The following MSI2 variants were observed in gnomAD, a reference collection of about 807,000 sequenced individuals.
MSI2 encodes RNA-binding protein Musashi homolog 2.
MSI2 carries 17 observed loss-of-function variants against 45.6 expected under a neutral mutation model. The observed-to-expected ratio is 0.37, with a 90% CI of 0.26 to 0.56. MSI2 has a LOEUF of 0.56. Among genes scored for constraint, MSI2 ranks in the 20% least tolerant of loss-of-function variants. MSI2 has a pLI of 0.77. For synonymous variants in MSI2, 156 were observed against 158.2 expected, an observed-to-expected ratio of 0.99 and a Z score of 0.11; for missense variants, 293 against 444.2, an observed-to-expected ratio of 0.66 and a Z score of 3.06.
At chr17:57,394,422 T>C (rs1444086202) in intron 5 of MSI2, among the ~76,000 whole-genome samples, 1 of 152,172 alleles carries the variant, frequency 6.6e-6, no homozygotes, top group Non-Finnish European at 1.5e-5. Flanking sequence ...GGGAAGTGCA[T>C]ACCTCAGGCC....
At position 57,326,091 on chromosome 17, in the gene MSI2, C is replaced by T. The variant is rs778600688; in HGVS notation, c.312+63899C>T. ...TTAGCAAAACATTTCCCGTCACCCC[C>T]ATTAGGTTGTTTGCTGCTGCTGCTT... On this transcript the variant is annotated intron_variant, in intron 5 of 13. Transcript: ENST00000284073. 1.1e-3 allele frequency among the ~76,000 whole-genome samples: 164 copies of T among 152,178 alleles called. 6 individuals carry two copies. The highest frequency in any genetic ancestry group is 8.8e-4 in the Non-Finnish European group (60 of 68,028).
intron 5 of MSI2, 146 bp from the exon 6 acceptor site, chr17:57,401,233 C>A: frequency 1.6e-6 from 1 of 637,374 alleles, no homozygotes; most frequent in South Asian, 1.8e-5. Context: ...CATCCTTAGA[C>A]ATCTAAACGC....
chr17:57,485,975 C>T (rs2085745934), intron 6 of MSI2, among the ~76,000 whole-genome samples: 1 of 152,240 alleles, frequency 6.6e-6, no homozygotes, highest in Non-Finnish European at 1.5e-5. Context: ...AGCTTCTCTG[C>T]CTCTCCAGGG....
intron 6 of MSI2, among the ~76,000 whole-genome samples, chr17:57,405,009 TG>T (rs1485209547): frequency 1.3e-5 from 2 of 152,036 alleles, no homozygotes; most frequent in Non-Finnish European, 2.9e-5. Flanking sequence ...CACGTCACCA[TG>T]AGCTACCCAG....
At chr17:57,440,466 G>GTGTGTGTGTA (rs2084779068) in intron 6 of MSI2, among the ~76,000 whole-genome samples, 1 of 145,504 alleles carries the variant, frequency 6.9e-6, no homozygotes, top group Non-Finnish European at 1.5e-5. Context: ...GTGTGTGTGT[G>GTGTGTGTGTA]TAGCGTGGCT....
At chr17:57,586,186 C>T (rs3803755) in intron 7 of MSI2, among the ~76,000 whole-genome samples, 4,748 of 152,328 alleles carry the variant, frequency 0.031, 161 homozygotes, top group East Asian at 0.17. Flanking sequence ...TTAAATGAGG[C>T]TGGGGTTGTC....
At chr17:57,558,903 A>G (rs1157132497) in intron 7 of MSI2, among the ~76,000 whole-genome samples, 1 of 152,130 alleles carries the variant, frequency 6.6e-6, no homozygotes, top group African/African-American at 2.4e-5. Flanking sequence ...TCTACTAAAA[A>G]TACAAAAAAA....
intron 5 of MSI2, among the ~76,000 whole-genome samples, chr17:57,297,596 CAAT>C (rs1368344782): frequency 6.6e-6 from 1 of 152,236 alleles, no homozygotes; most frequent in Non-Finnish European, 1.5e-5. Flanking sequence ...TAAAATAAGA[CAAT>C]GATGAAGTTT....
intron 6 of MSI2, among the ~76,000 whole-genome samples, chr17:57,502,730 G>A (rs1244041302): frequency 6.7e-6 from 1 of 150,092 alleles, no homozygotes; most frequent in African/African-American, 2.5e-5. Flanking sequence ...AGGTCCTGAT[G>A]AGGCTGTTTG....
intron 5 of MSI2, among the ~76,000 whole-genome samples, chr17:57,286,231 T>C (rs1311145523): frequency 6.6e-6 from 1 of 152,044 alleles, no homozygotes; most frequent in East Asian, 1.9e-4. Flanking sequence ...CAACAAATAG[T>C]CTTTTTTTTT....
At chr17:57,333,222 A>G (rs1020790599) in intron 5 of MSI2, among the ~76,000 whole-genome samples, 1 of 152,124 alleles carries the variant, frequency 6.6e-6, no homozygotes, top group African/African-American at 2.4e-5. Flanking sequence ...GGGTTAGTTA[A>G]TACCAAAGAC....
intron 8 of MSI2, among the ~76,000 whole-genome samples, chr17:57,606,646 C>T (rs556364239): frequency 6.6e-6 from 1 of 152,218 alleles, no homozygotes; most frequent in Admixed American, 6.5e-5. Flanking sequence ...TTTCTGTGTC[C>T]ACACCCAGCC....
intron 5 of MSI2, chr17:57,364,833 G>A (rs1014973812): frequency 6.6e-6 from 1 of 152,154 alleles, no homozygotes; most frequent in African/African-American, 2.4e-5. Context: ...GGGCCTGTGT[G>A]TCCTTTTCTG....
At chr17:57,282,427 A>G (rs1290438029) in intron 5 of MSI2, among the ~76,000 whole-genome samples, 1 of 152,206 alleles carries the variant, frequency 6.6e-6, no homozygotes, top group East Asian at 1.9e-4. Flanking sequence ...TGTATAATAA[A>G]TCTGATACTA....
chr17:57,363,413 C>T (rs1165412101), intron 5 of MSI2, among the ~76,000 whole-genome samples: 1 of 151,980 alleles, frequency 6.6e-6, no homozygotes, highest in Non-Finnish European at 1.5e-5. Flanking sequence ...GAAAGAGTGG[C>T]GATTTTATGT....
At position 57,283,256 on chromosome 17, in the gene MSI2, G is replaced by A. The variant is rs537704639; in HGVS notation, c.312+21064G>A. Among the ~76,000 whole-genome samples the A allele has an allele frequency of 9.2e-5, 14 of 152,204 alleles. No homozygotes were observed. The South Asian group carries it at 2.9e-3, about 32-fold the overall frequency. On this transcript the variant is annotated intron_variant, in intron 5 of 13. Coordinates refer to ENST00000284073, the MANE Select transcript of MSI2 (RefSeq NM_138962.4). The stretch of plus-strand genomic sequence containing the variant: ...GCGGAATCTGGCCCGTAAAGTCTCT[G>A]GAGTGAGTGCTGGGAAGTTTATAAG...
chr17:57,405,525 A>G (rs1464860297), intron 6 of MSI2, among the ~76,000 whole-genome samples: 1 of 152,254 alleles, frequency 6.6e-6, no homozygotes, highest in South Asian at 2.1e-4. Context: ...GGCTATAACC[A>G]AAATAATACG....
intron 7 of MSI2, among the ~76,000 whole-genome samples, chr17:57,543,890 A>G (rs1260058397): frequency 6.6e-6 from 1 of 152,218 alleles, no homozygotes; most frequent in Admixed American, 6.5e-5. Context: ...TGGACAATTG[A>G]ATCATTCCTT....
At chr17:57,330,613 T>C (rs1914170331) in intron 5 of MSI2, among the ~76,000 whole-genome samples, 1 of 152,094 alleles carries the variant, frequency 6.6e-6, no homozygotes, top group South Asian at 2.1e-4. Context: ...AAAGGGTACC[T>C]GCATGATTCA....
Sources: allele counts gnomAD v4.1 joint callset (sites outside exome capture counted in the v4.1 genomes callset), GRCh38; gene constraint gnomAD v4.1.1; transcripts MANE v1.5; gene names NCBI Gene and HGNC (gene_info 2026-07-23, HGNC 2026-07-21).